The following ROBO2 variants were observed in gnomAD, a reference collection of about 807,000 sequenced individuals.
ROBO2 encodes roundabout guidance receptor 2.
Under a neutral mutation model 160.8 loss-of-function variants are expected in ROBO2, and 53 were observed. That is an observed-to-expected ratio of 0.33 (90% CI 0.26 to 0.41). The LOEUF is 0.41. ROBO2 is among the 10% of genes least tolerant of loss of function. The probability of loss-of-function intolerance (pLI) is 1.00; values close to 1 mark genes in which losing one functional copy is unlikely to be tolerated. For missense variants in ROBO2, 1,577 were observed against 1,722.4 expected (o/e 0.92, Z 1.49); for synonymous variants, 664 against 611.7 (o/e 1.09, Z -1.26).
intron 2 of ROBO2, among the ~76,000 whole-genome samples, chr3:77,206,828 C>G (rs1273879990): frequency 6.6e-6 from 1 of 151,964 alleles, no homozygotes; most frequent in Non-Finnish European, 1.5e-5. Context: ...ATAGAGAATT[C>G]AAGAATTCTG....
chr3:77,499,759 C>T (rs915981994), intron 5 of ROBO2, among the ~76,000 whole-genome samples: 20 of 151,520 alleles, frequency 1.3e-4, no homozygotes, highest in African/African-American at 4.9e-4. Context: ...AGTGATTCTC[C>T]TGCCCCAGCC....
chr3:76,382,074 T>A (rs560804402), intron 2 of ROBO2, among the ~76,000 whole-genome samples: 1 of 152,126 alleles, frequency 6.6e-6, no homozygotes, highest in Admixed American at 6.5e-5. Context: ...CAGGCTCAAG[T>A]GATCCTCCCA....
chr3:75,944,121 A>G (rs1367782269), intron 2 of ROBO2, among the ~76,000 whole-genome samples: 1 of 152,172 alleles, frequency 6.6e-6, no homozygotes, highest in Non-Finnish European at 1.5e-5. Flanking sequence ...AGAATGGCAG[A>G]AGGAAAGAGG....
intron 1 of ROBO2, among the ~76,000 whole-genome samples, chr3:77,070,218 A>T (rs73110498): frequency 6.6e-6 from 1 of 152,176 alleles, no homozygotes; most frequent in Admixed American, 6.5e-5. Flanking sequence ...TGGACTTCGT[A>T]GCCTCCAGAA....
At chr3:76,365,272 T>G (rs2075749389) in intron 2 of ROBO2, among the ~76,000 whole-genome samples, 1 of 152,040 alleles carries the variant, frequency 6.6e-6, no homozygotes. Flanking sequence ...CTTCATTTTA[T>G]TTTGATCTGA....
intron 2 of ROBO2, among the ~76,000 whole-genome samples, chr3:76,028,918 C>G (rs1446450385): frequency 6.6e-6 from 1 of 152,072 alleles, no homozygotes; most frequent in Non-Finnish European, 1.5e-5. Flanking sequence ...CATTCCAACT[C>G]TGCTGTGATC....
At chr3:76,635,217 C>T (rs56399885) in intron 2 of ROBO2, among the ~76,000 whole-genome samples, 45 of 152,312 alleles carry the variant, frequency 3.0e-4, no homozygotes, top group Non-Finnish European at 5.0e-4. Flanking sequence ...TGCCTAAACA[C>T]TGATGCTGTC....
At chr3:77,351,252 C>G (rs943897985) in intron 2 of ROBO2, among the ~76,000 whole-genome samples, 1 of 152,002 alleles carries the variant, frequency 6.6e-6, no homozygotes, top group African/African-American at 2.4e-5. Context: ...AAAAAAAGAG[C>G]GACATAAACA....
intron 1 of ROBO2, among the ~76,000 whole-genome samples, chr3:77,069,308 A>T (rs1018738247): frequency 2.6e-5 from 4 of 152,164 alleles, no homozygotes; most frequent in African/African-American, 9.7e-5. Flanking sequence ...AAAATATGAA[A>T]AATAGTTGAA....
intron 2 of ROBO2, among the ~76,000 whole-genome samples, chr3:76,141,068 T>TATATATATATATATATATATATATAA (rs1290955194): frequency 1.7e-5 from 2 of 116,940 alleles, no homozygotes; most frequent in East Asian, 5.2e-4. Context: ...TACATATATA[T>TATATATATATATATATATATATATAA]ATATATATAA....
intron 2 of ROBO2, among the ~76,000 whole-genome samples, chr3:76,642,227 G>T (rs1181502981): frequency 6.6e-6 from 1 of 150,880 alleles, no homozygotes; most frequent in African/African-American, 2.4e-5. Context: ...ACTTGCCCAA[G>T]AGCACCAAGT....
chr3:77,612,805 G>T (rs1197108414), intron 21 of ROBO2, among the ~76,000 whole-genome samples: 1 of 152,006 alleles, frequency 6.6e-6, no homozygotes, highest in Non-Finnish European at 1.5e-5. Context: ...AATTAGCTGG[G>T]CATGGTGATG....
intron 2 of ROBO2, among the ~76,000 whole-genome samples, chr3:76,339,867 T>C (rs2074113455): frequency 6.6e-6 from 1 of 152,144 alleles, no homozygotes. Flanking sequence ...AATGTTTGTG[T>C]CTGTAACACA....
At chr3:77,578,967 T>C (rs1371752835) in intron 15 of ROBO2, among the ~76,000 whole-genome samples, 1 of 152,128 alleles carries the variant, frequency 6.6e-6, no homozygotes, top group African/African-American at 2.4e-5. Context: ...AGCACATATG[T>C]AGGTAAGAGC....
chr3:76,499,064 T>C (rs2080318812), intron 2 of ROBO2, among the ~76,000 whole-genome samples: 1 of 152,176 alleles, frequency 6.6e-6, no homozygotes, highest in South Asian at 2.1e-4. Flanking sequence ...CTACCCCTCA[T>C]AGGTCAACCT....
chr3:76,280,938 G>A (rs150124843), intron 2 of ROBO2, among the ~76,000 whole-genome samples: 62 of 151,982 alleles, frequency 4.1e-4, no homozygotes, highest in African/African-American at 1.3e-3. Context: ...ACTTGTTGGT[G>A]GGAATATGTA....
intron 2 of ROBO2, among the ~76,000 whole-genome samples, chr3:76,219,287 A>G (rs1447698709): frequency 6.6e-6 from 1 of 152,222 alleles, no homozygotes; most frequent in Non-Finnish European, 1.5e-5. Flanking sequence ...TGTCTAAAAC[A>G]CCAAAAGCAA....
chr3:76,111,449 G>A (rs2070227728), intron 2 of ROBO2, among the ~76,000 whole-genome samples: 1 of 151,996 alleles, frequency 6.6e-6, no homozygotes, highest in Admixed American at 6.6e-5. Context: ...CCACCTGGAT[G>A]TTTCACTTTG....
intron 2 of ROBO2, among the ~76,000 whole-genome samples, chr3:76,811,609 G>T (rs2065162117): frequency 6.6e-6 from 1 of 152,154 alleles, no homozygotes; most frequent in Admixed American, 6.5e-5. Flanking sequence ...GGCATTTTTA[G>T]CTCTGGGCCT....
Sources: gnomAD v4.1 joint callset for allele counts (sites outside exome capture counted in the v4.1 genomes callset) on GRCh38, gnomAD v4.1.1 for gene constraint, MANE v1.5 for transcripts, NCBI Gene and HGNC (gene_info 2026-07-23, HGNC 2026-07-21) for gene names.